The following ADAMTSL1 variants were observed in gnomAD, a reference collection of about 807,000 sequenced individuals.
The protein encoded by ADAMTSL1 is ADAMTS like 1.
In ADAMTSL1, 126 loss-of-function variants were observed where a neutral mutation model predicts 201.8. That is an observed-to-expected ratio of 0.62 (90% CI 0.54 to 0.72). The LOEUF (loss-of-function observed/expected upper bound fraction) is 0.72. Among genes scored for constraint, ADAMTSL1 ranks in the 30% least tolerant of loss-of-function variants. ADAMTSL1 has a pLI of 0.00. For missense variants in ADAMTSL1, 2,679 were observed against 2,277.8 expected, an observed-to-expected ratio of 1.18 and a Z score of -3.59; for synonymous variants, 1,121 against 903.4, an observed-to-expected ratio of 1.24 and a Z score of -4.32.
chr9:18,858,881 A>G (rs1482552111), intron 23 of ADAMTSL1, among the ~76,000 whole-genome samples: 1 of 152,202 alleles, frequency 6.6e-6, no homozygotes, highest in Non-Finnish European at 1.5e-5. Flanking sequence ...TATATGTGCA[A>G]ATATGCTTTT....
intron 14 of ADAMTSL1, chr9:18,718,171 A>G: frequency 1.2e-6 from 1 of 804,806 alleles, no homozygotes. Context: ...TCATCTTCCA[A>G]GTCATACTTA....
At chr9:18,334,173 A>G (rs1448020536) in intron 2 of ADAMTSL1, among the ~76,000 whole-genome samples, 1 of 152,156 alleles carries the variant, frequency 6.6e-6, no homozygotes, top group Non-Finnish European at 1.5e-5. Flanking sequence ...AAAAAAAAAT[A>G]TGGAAAGGGA....
Position 18,466,661 on chromosome 9 carries a change from C to A in ADAMTSL1, c.208-38168C>A, listed in dbSNP as rs1030409149. 2.0e-5 allele frequency among the ~76,000 whole-genome samples: 3 copies of A among 151,922 alleles called. No homozygotes were observed. In the East Asian group the frequency reaches 5.8e-4, roughly 29 times the overall value. On this transcript the variant is annotated intron_variant, in intron 2 of 29. Transcript: ENST00000680146. ...AAATAAATAATTGTTTTAAAATGAACTATACTACAAATTAAATTTAGTTAT... is the reference window on the plus strand; with the variant it reads ...AAATAAATAATTGTTTTAAAATGAAATATACTACAAATTAAATTTAGTTAT...
At chr9:18,766,238 T>C (rs1820356505) in intron 16 of ADAMTSL1, among the ~76,000 whole-genome samples, 1 of 152,214 alleles carries the variant, frequency 6.6e-6, no homozygotes, top group Non-Finnish European at 1.5e-5. Context: ...GGATTTAAGC[T>C]AGACAATGTC....
chr9:18,871,098 T>C (rs1827848472), intron 23 of ADAMTSL1, among the ~76,000 whole-genome samples: 1 of 152,216 alleles, frequency 6.6e-6, no homozygotes, highest in Non-Finnish European at 1.5e-5. Flanking sequence ...ATGTAATATT[T>C]TGATTATACA....
chr9:18,713,366 A>G (rs1354816817), intron 14 of ADAMTSL1, among the ~76,000 whole-genome samples: 1 of 152,236 alleles, frequency 6.6e-6, no homozygotes, highest in Non-Finnish European at 1.5e-5. Flanking sequence ...TCTCACGTGC[A>G]GAGACACACA....
intron 17 of ADAMTSL1, among the ~76,000 whole-genome samples, chr9:18,771,035 A>C (rs992203095): frequency 1.3e-5 from 2 of 152,164 alleles, no homozygotes; most frequent in African/African-American, 4.8e-5. Flanking sequence ...GAACAAAACC[A>C]GACCTCATTG....
At chr9:18,651,704 G>C (rs1828270735) in intron 7 of ADAMTSL1, among the ~76,000 whole-genome samples, 2 of 152,120 alleles carry the variant, frequency 1.3e-5, no homozygotes, top group South Asian at 4.1e-4. Flanking sequence ...AATTCTAAGG[G>C]AACAGAAACT....
chr9:18,844,009 T>C (rs2131334509), intron 23 of ADAMTSL1, among the ~76,000 whole-genome samples: 1 of 152,364 alleles, frequency 6.6e-6, no homozygotes, highest in South Asian at 2.1e-4. Context: ...AGTAGTTTGA[T>C]CGTCTGAAGA....
chr9:18,052,710 A>G (rs978208359), intron 1 of ADAMTSL1, among the ~76,000 whole-genome samples: 3 of 152,078 alleles, frequency 2.0e-5, no homozygotes, highest in Non-Finnish European at 2.9e-5. Context: ...CAGCATCATC[A>G]TCATTCTTTT....
At chr9:18,398,541 C>T (rs77669008) in intron 2 of ADAMTSL1, among the ~76,000 whole-genome samples, 52 of 152,038 alleles carry the variant, frequency 3.4e-4, no homozygotes, top group Non-Finnish European at 6.8e-4. Context: ...TTGAAAGGCC[C>T]TGGGATAAGG....
chr9:18,668,780 T>A (rs1829627715), intron 9 of ADAMTSL1, among the ~76,000 whole-genome samples: 1 of 152,214 alleles, frequency 6.6e-6, no homozygotes, highest in Non-Finnish European at 1.5e-5. Flanking sequence ...ACTTGCCCAA[T>A]GTCACTTCTG....
At chr9:18,185,964 T>C (rs776928600) in intron 2 of ADAMTSL1, among the ~76,000 whole-genome samples, 1 of 152,222 alleles carries the variant, frequency 6.6e-6, no homozygotes, top group Non-Finnish European at 1.5e-5. Flanking sequence ...GAAGGCATCA[T>C]AAAATAAGTA....
intron 2 of ADAMTSL1, among the ~76,000 whole-genome samples, chr9:18,366,084 CT>C (rs1055421401): frequency 6.6e-6 from 1 of 151,024 alleles, no homozygotes; most frequent in Non-Finnish European, 1.5e-5. Flanking sequence ...CTCCCTTTGG[CT>C]TTTTTTTTGA....
At chr9:18,419,540 A>C (rs976598747) in intron 2 of ADAMTSL1, among the ~76,000 whole-genome samples, 1 of 152,142 alleles carries the variant, frequency 6.6e-6, no homozygotes, top group Non-Finnish European at 1.5e-5. Context: ...CCCAAAATTC[A>C]CCAAGATACC....
At chr9:18,142,915 C>A (rs570843758) in intron 1 of ADAMTSL1, among the ~76,000 whole-genome samples, 5 of 152,168 alleles carry the variant, frequency 3.3e-5, no homozygotes, top group Non-Finnish European at 5.9e-5. Flanking sequence ...TAGTCTATCA[C>A]ACCGGGGGGT....
chr9:17,939,740 C>T (rs2131342410), intron 1 of ADAMTSL1, among the ~76,000 whole-genome samples: 1 of 152,202 alleles, frequency 6.6e-6, no homozygotes, highest in East Asian at 1.9e-4. Flanking sequence ...ATATTAAACA[C>T]TTGGGATAAA....
intron 2 of ADAMTSL1, among the ~76,000 whole-genome samples, chr9:18,329,177 G>T (rs1834939809): frequency 6.6e-6 from 1 of 151,972 alleles, no homozygotes; most frequent in South Asian, 2.1e-4. Flanking sequence ...TACCCGTGAG[G>T]ACACAGTGAG....
intron 2 of ADAMTSL1, among the ~76,000 whole-genome samples, chr9:18,165,222 C>T (rs1014545495): frequency 2.0e-5 from 3 of 151,694 alleles, no homozygotes; most frequent in Non-Finnish European, 2.9e-5. Flanking sequence ...TGCTGTTATG[C>T]GAAATCTGAA....
Sources: allele counts gnomAD v4.1 joint callset (sites outside exome capture counted in the v4.1 genomes callset), GRCh38; gene constraint gnomAD v4.1.1; transcripts MANE v1.5; gene names NCBI Gene and HGNC (gene_info 2026-07-23, HGNC 2026-07-21).